The following PATJ variants were observed in gnomAD, a reference collection of about 807,000 sequenced individuals.
The protein encoded by PATJ is inaD-like protein.
Under a neutral mutation model 224.9 loss-of-function variants are expected in PATJ, and 190 were observed. The observed-to-expected ratio is 0.84, with a 90% CI of 0.75 to 0.95. The LOEUF is 0.95. Ranked by LOEUF, PATJ falls within the 40% of genes least tolerant of loss-of-function variation. The pLI, the probability that PATJ is intolerant of heterozygous loss-of-function variation, is 0.00. For missense variants in PATJ, 2,121 were observed against 2,270.3 expected (o/e 0.93, Z 1.34); for synonymous variants, 769 against 820.3 (o/e 0.94, Z 1.07).
At chr1:62,127,726 G>C (rs539560805) in intron 39 of PATJ, among the ~76,000 whole-genome samples, 2 of 152,124 alleles carry the variant, frequency 1.3e-5, no homozygotes, top group Admixed American at 1.3e-4. Flanking sequence ...AAAATCGCTT[G>C]AACCTGGGAG....
intron 4 of PATJ, 62 bp from the exon 5 acceptor site, chr1:61,769,221 C>T: frequency 1.3e-6 from 2 of 1,525,504 alleles, no homozygotes; most frequent in South Asian, 1.2e-5. Flanking sequence ...TTCAGTTCTG[C>T]AGACAGAGTA....
intron 31 of PATJ, among the ~76,000 whole-genome samples, chr1:62,073,718 A>C (rs1395752665): frequency 1.3e-5 from 2 of 152,116 alleles, no homozygotes; most frequent in Non-Finnish European, 2.9e-5. Flanking sequence ...AGCCAGGCAC[A>C]GTGGTGCATA....
intron 14 of PATJ, among the ~76,000 whole-genome samples, chr1:61,819,067 C>G (rs767328873): frequency 2.3e-4 from 35 of 152,186 alleles, no homozygotes; most frequent in Admixed American, 9.8e-4. Context: ...TAGCAATTAT[C>G]CTTTTTGCTC....
At chr1:61,747,183 T>G (rs542334965) in intron 1 of PATJ, among the ~76,000 whole-genome samples, 1 of 148,730 alleles carries the variant, frequency 6.7e-6, no homozygotes, top group South Asian at 2.2e-4. Context: ...TGCATGACCA[T>G]TGCTATGTTT....
At chr1:62,061,198 T>A (rs748234795) in intron 31 of PATJ, among the ~76,000 whole-genome samples, 4 of 152,116 alleles carry the variant, frequency 2.6e-5, no homozygotes, top group Non-Finnish European at 4.4e-5. Context: ...GTTTTTTTAT[T>A]AAGATTGAGT....
chr1:62,007,278 A>G (rs1185427133), intron 28 of PATJ, among the ~76,000 whole-genome samples: 1 of 152,250 alleles, frequency 6.6e-6, no homozygotes, highest in Admixed American at 6.5e-5. Context: ...ACTAGGCATC[A>G]TGAAGCTGAG....
intron 27 of PATJ, 93 bp downstream of exon 27, chr1:61,927,922 T>C: frequency 1.1e-6 from 1 of 889,742 alleles, no homozygotes; most frequent in Non-Finnish European, 1.7e-6. Context: ...GGCTGTGAGT[T>C]CTTCAAAAAT....
intron 38 of PATJ, among the ~76,000 whole-genome samples, chr1:62,122,750 G>A (rs1665232056): frequency 6.6e-6 from 1 of 151,724 alleles, no homozygotes; most frequent in African/African-American, 2.4e-5. Flanking sequence ...CTTGAATCTG[G>A]GAGGCAGAGG....
intron 28 of PATJ, chr1:62,013,530 T>C (rs2148346172): frequency 1.0e-6 from 1 of 984,110 alleles, no homozygotes; most frequent in Non-Finnish European, 1.2e-6. Context: ...CTCAGTTCAG[T>C]AGGTGTTGCG....
chr1:61,888,145 T>C (rs1045158203), intron 22 of PATJ, among the ~76,000 whole-genome samples: 7 of 152,202 alleles, frequency 4.6e-5, no homozygotes, highest in Non-Finnish European at 5.9e-5. Flanking sequence ...GGTGTCCTAA[T>C]GTGATATCCG....
intron 1 of PATJ, among the ~76,000 whole-genome samples, chr1:61,760,864 C>T (rs771893686): frequency 6.6e-6 from 1 of 152,086 alleles, no homozygotes; most frequent in South Asian, 2.1e-4. Flanking sequence ...CCACCCACCT[C>T]GATCTCTCCA....
intron 41 of PATJ, among the ~76,000 whole-genome samples, chr1:62,146,503 C>T (rs911729731): frequency 3.9e-5 from 6 of 152,086 alleles, no homozygotes; most frequent in Non-Finnish European, 7.4e-5. Flanking sequence ...TTACTGGCTG[C>T]AGTGGCTCAC....
At chr1:62,128,528 G>T in intron 40 of PATJ, 1 of 309,884 alleles carries the variant, frequency 3.2e-6, no homozygotes, top group East Asian at 6.0e-5. Flanking sequence ...GAACTTTATT[G>T]AACGGTTGAT....
intron 41 of PATJ, among the ~76,000 whole-genome samples, chr1:62,141,488 A>G (rs1667489901): frequency 6.6e-6 from 1 of 152,116 alleles, no homozygotes; most frequent in South Asian, 2.1e-4. Context: ...CAGCCTGGGC[A>G]ACATGGTAAA....
At chr1:61,852,147 G>A (rs1662929407) in intron 17 of PATJ, among the ~76,000 whole-genome samples, 2 of 147,890 alleles carry the variant, frequency 1.4e-5, no homozygotes, top group Admixed American at 1.3e-4. Flanking sequence ...AAAAAGAGGT[G>A]TAGGGTACAA....
chr1:61,822,442 A>AAAG (rs1006640485), intron 14 of PATJ, among the ~76,000 whole-genome samples: 7 of 151,596 alleles, frequency 4.6e-5, no homozygotes, highest in Admixed American at 2.6e-4. Flanking sequence ...AAAAAAAAAA[A>AAAG]AAAAGAAAAG....
chr1:61,795,414 T>A, intron 9 of PATJ, 53 bp from the exon 10 acceptor site: 1 of 1,082,516 alleles, frequency 9.2e-7, no homozygotes, highest in Non-Finnish European at 1.4e-6. Flanking sequence ...AATTTTGCAA[T>A]CAAGGCCTAA....
intron 1 of PATJ, among the ~76,000 whole-genome samples, chr1:61,746,175 CAA>C (rs1259976408): frequency 1.3e-5 from 2 of 152,200 alleles, no homozygotes; most frequent in East Asian, 3.9e-4. Context: ...CTCCTGACCT[CAA>C]GAGATCTGCC....
chr1:61,937,298 T>A (rs1677029862), intron 27 of PATJ, among the ~76,000 whole-genome samples: 1 of 152,108 alleles, frequency 6.6e-6, no homozygotes, highest in Non-Finnish European at 1.5e-5. Flanking sequence ...AGTGGCATGA[T>A]CCTGGCTCAC....
Sources: gnomAD v4.1 joint callset for allele counts (sites outside exome capture counted in the v4.1 genomes callset) on GRCh38, gnomAD v4.1.1 for gene constraint, MANE v1.5 for transcripts, NCBI Gene and HGNC (gene_info 2026-07-23, HGNC 2026-07-21) for gene names.